Variants in RBFOX3 observed in about 807,000 individuals in gnomAD.
RBFOX3 encodes RNA binding protein fox-1 homolog 3.
In RBFOX3, 17 loss-of-function variants were observed where a neutral mutation model predicts 48.7. That is an observed-to-expected ratio of 0.35 (90% CI 0.24 to 0.52). The LOEUF is 0.52. RBFOX3 is among the 20% of genes least tolerant of loss of function. RBFOX3 has a pLI of 0.94. For missense variants in RBFOX3, 382 were observed against 497.5 expected (o/e 0.77, Z 2.21); for synonymous variants, 212 against 209.5 (o/e 1.01, Z -0.10).
At chr17:79,652,594 G>GAGGAGAGGAGAGGAA in the RBFOX3 span, among the ~76,000 whole-genome samples, 465 of 23,910 alleles carry the variant, frequency 0.019, 186 homozygotes, top group Middle Eastern at 0.03. Flanking sequence ...GAGGAGAGGA[G>GAGGAGAGGAGAGGAA]AGGAGAGGAA....
chr17:79,631,376 A>G, the RBFOX3 span, among the ~76,000 whole-genome samples: 75 of 152,202 alleles, frequency 4.9e-4, no homozygotes, highest in Non-Finnish European at 6.0e-4. Flanking sequence ...GTTGACTGCA[A>G]TTCACACGGT....
intron 4 of RBFOX3, among the ~76,000 whole-genome samples, chr17:79,169,078 C>T (rs1025148855): frequency 2.0e-5 from 3 of 152,218 alleles, no homozygotes; most frequent in African/African-American, 7.2e-5. Flanking sequence ...CCCTGCTCAG[C>T]TCTCAGGAAA....
rs1036712506 is a variant in RBFOX3, at chr17:79,482,921, C to T, written c.-319-323G>A. Among the ~76,000 whole-genome samples, 1 of 151,992 alleles carries T rather than the reference C, an allele frequency of 6.6e-6. No homozygotes were observed. Among genetic ancestry groups the T allele is most frequent in the East Asian group, 1.9e-4 (1 of 5,174 alleles). On this transcript the variant is annotated intron_variant, in intron 1 of 14. Transcript: ENST00000693108. The surrounding 1 kb of genome is among the most constrained non-coding windows in gnomAD (Gnocchi z 4.1). ...CCCCAATCCCAGGGACTCTTCCACC[C>T]CACCACGCTGGCCCCTCCCCATCGC...
At chr17:79,302,800 C>T (rs1195775707) in intron 3 of RBFOX3, among the ~76,000 whole-genome samples, 2 of 152,146 alleles carry the variant, frequency 1.3e-5, no homozygotes, top group Non-Finnish European at 2.9e-5. Context: ...CCTTTTAAAA[C>T]AAAATAATAT....
At chr17:79,630,710 G>A in the RBFOX3 span, among the ~76,000 whole-genome samples, 1 of 152,220 alleles carries the variant, frequency 6.6e-6, no homozygotes, top group African/African-American at 2.4e-5. Flanking sequence ...TGGTTCAGGA[G>A]AGGAAGGGAG....
At chr17:79,134,709 T>C (rs978762897) in intron 4 of RBFOX3, among the ~76,000 whole-genome samples, 5 of 152,186 alleles carry the variant, frequency 3.3e-5, no homozygotes, top group South Asian at 2.1e-4. Context: ...AGAGACACCA[T>C]GCAGGGGCAC....
At chr17:79,213,357 C>T (rs1188871126) in intron 4 of RBFOX3, among the ~76,000 whole-genome samples, 1 of 152,206 alleles carries the variant, frequency 6.6e-6, no homozygotes, top group African/African-American at 2.4e-5. Flanking sequence ...GCAGATTCCA[C>T]AAGGGAAGCT....
the RBFOX3 span, among the ~76,000 whole-genome samples, chr17:79,653,475 T>C: frequency 6.6e-6 from 1 of 152,232 alleles, no homozygotes; most frequent in Non-Finnish European, 1.5e-5. Context: ...ATCATTGTTA[T>C]AGTAAGAAAA....
At chr17:79,365,528 C>A (rs558733245) in intron 2 of RBFOX3, among the ~76,000 whole-genome samples, 3 of 152,246 alleles carry the variant, frequency 2.0e-5, no homozygotes, top group Non-Finnish European at 4.4e-5. Context: ...CGCTCCCACG[C>A]GAACACCAGA....
At chr17:79,452,293 G>A (rs2073669210) in intron 2 of RBFOX3, among the ~76,000 whole-genome samples, 1 of 152,126 alleles carries the variant, frequency 6.6e-6, no homozygotes, top group African/African-American at 2.4e-5. Context: ...AGTGCAGGAT[G>A]GAGGCCCACC....
chr17:79,296,538 G>C (rs2074366286), intron 3 of RBFOX3, among the ~76,000 whole-genome samples: 1 of 152,136 alleles, frequency 6.6e-6, no homozygotes, highest in African/African-American at 2.4e-5. Context: ...GGTAGCCCCA[G>C]TCTAACCCCT....
chr17:79,143,011 C>T (rs1258996419), intron 4 of RBFOX3, among the ~76,000 whole-genome samples: 11 of 152,166 alleles, frequency 7.2e-5, no homozygotes, highest in South Asian at 4.1e-4. Context: ...TCCTGGTGCA[C>T]GGTGGGCTGC....
intron 3 of RBFOX3, among the ~76,000 whole-genome samples, chr17:79,275,157 C>CTCTCT (rs2068545229): frequency 8.8e-6 from 1 of 113,732 alleles, no homozygotes; most frequent in African/African-American, 3.0e-5. Flanking sequence ...TCTCTGTCTC[C>CTCTCT]CTCCCTATCT....
At position 79,471,840 on chromosome 17, in the gene RBFOX3, C is replaced by T. The variant is rs1025911259; in HGVS notation, c.-175+10614G>A. Among the ~76,000 whole-genome samples the T allele has an allele frequency of 3.9e-5, 6 of 152,178 alleles. No individual in the cohort carries two copies. The highest frequency in any genetic ancestry group is 1.4e-4 in the African/African-American group (6 of 41,422). Reference sequence around the variant, plus strand: ...CCCCGTGTGTGACCCGGGATCCCACCGTTCTCCAGGGTCGAGGGAGAACAC... The same window carrying T: ...CCCCGTGTGTGACCCGGGATCCCACTGTTCTCCAGGGTCGAGGGAGAACAC... On this transcript the variant is annotated intron_variant, in intron 2 of 14. Transcript: ENST00000693108. This position sits in a 1 kb window ranked among gnomAD's most constrained non-coding sequence, Gnocchi z 4.0.
Position 79,205,465 on chromosome 17 carries a change from C to T in RBFOX3, c.-34+30301G>A, listed in dbSNP as rs1310676385. Among the ~76,000 whole-genome samples the T allele has an allele frequency of 3.3e-5, 5 of 152,096 alleles. No individual in the cohort carries two copies. Among genetic ancestry groups the T allele is most frequent in the South Asian group, 2.1e-4 (1 of 4,816 alleles). On this transcript the variant is annotated intron_variant, in intron 4 of 14. Coordinates refer to ENST00000693108, the MANE Select transcript of RBFOX3 (RefSeq NM_001350451.2). The surrounding 1 kb of genome is among the most constrained non-coding windows in gnomAD (Gnocchi z 4.5). ...CATAACCTGAATATGAGTTCCCTGA[C>T]GTAGGAGTGCCAAATGGGAGCCTAT...
chr17:79,342,979 CGA>C (rs35571686), intron 2 of RBFOX3, among the ~76,000 whole-genome samples: 23,950 of 142,872 alleles, frequency 0.17, 2,111 homozygotes, highest in Non-Finnish European at 0.21. Flanking sequence ...AGAGAAAGAG[CGA>C]GAGAGAGAGA....
intron 3 of RBFOX3, among the ~76,000 whole-genome samples, chr17:79,256,152 G>A (rs760230552): frequency 4.6e-5 from 7 of 151,902 alleles, no homozygotes; most frequent in Admixed American, 4.6e-4. Context: ...GTGCACCCCC[G>A]CCTTGCTCAA....
intron 4 of RBFOX3, among the ~76,000 whole-genome samples, chr17:79,160,484 G>A (rs543719845): frequency 1.7e-3 from 261 of 152,312 alleles, no homozygotes; most frequent in African/African-American, 6.1e-3. Flanking sequence ...CCCGTATGTG[G>A]GGCGGTCACA....
intron 1 of RBFOX3, among the ~76,000 whole-genome samples, chr17:79,547,522 C>T (rs1327170319): frequency 6.6e-6 from 1 of 152,196 alleles, no homozygotes; most frequent in East Asian, 1.9e-4. Context: ...ATAGGAACTT[C>T]AGGAGCCAAA....
Sources: allele counts gnomAD v4.1 joint callset (sites outside exome capture counted in the v4.1 genomes callset), GRCh38; gene constraint gnomAD v4.1.1; non-coding constraint Gnocchi (gnomAD v3.1); transcripts MANE v1.5; gene names NCBI Gene and HGNC (gene_info 2026-07-23, HGNC 2026-07-21).